Variants in MAP3K15 observed in about 807,000 individuals in gnomAD.
MAP3K15 encodes the protein MAPK/ERK kinase kinase 15.
In MAP3K15, 124 loss-of-function variants were observed where a neutral mutation model predicts 99.5. The observed-to-expected ratio is 1.25, with a 90% CI of 1.08 to 1.45. The LOEUF is 1.45. Ranked by LOEUF, MAP3K15 falls within the 40% of genes most tolerant of loss-of-function variation. The pLI is 0.00. For synonymous variants in MAP3K15, 494 were observed against 439.6 expected (o/e 1.12, Z -1.55); for missense variants, 1,242 against 1,079.7 (o/e 1.15, Z -2.11).
intron 3 of MAP3K15, among the ~76,000 whole-genome samples, chrX:19,467,860 A>G (rs1324331065): frequency 1.8e-5 from 2 of 110,866 alleles, no homozygotes; most frequent in African/African-American, 6.5e-5. Flanking sequence ...AACAAACAAA[A>G]AACAGGCCAA....
chrX:19,412,351 G>A (rs1602283837), intron 11 of MAP3K15, among the ~76,000 whole-genome samples: 2 of 112,534 alleles, frequency 1.8e-5, no homozygotes, highest in East Asian at 5.6e-4. Context: ...TACAAGTCAT[G>A]TATGGGCATT....
chrX:19,480,339 A>G (rs2064279631), intron 3 of MAP3K15, among the ~76,000 whole-genome samples: 1 of 111,140 alleles, frequency 9.0e-6, no homozygotes, highest in Admixed American at 9.6e-5. Flanking sequence ...ACAATGTTGA[A>G]AAAGAACAAA....
At chrX:19,449,475 T>C (rs1245974378) in intron 6 of MAP3K15, among the ~76,000 whole-genome samples, 2 of 109,523 alleles carry the variant, frequency 1.8e-5, no homozygotes, top group Non-Finnish European at 3.9e-5. Context: ...TTGTCCCCTA[T>C]GGGACATTTA....
intron 1 of MAP3K15, among the ~76,000 whole-genome samples, chrX:19,495,638 G>A (rs1210339782): frequency 5.4e-5 from 6 of 111,275 alleles, no homozygotes; most frequent in Non-Finnish European, 1.1e-4. Flanking sequence ...TGCCAACTAC[G>A]TTTTACTCAC....
intron 1 of MAP3K15, among the ~76,000 whole-genome samples, chrX:19,494,877 T>TAAAAAA: frequency 1.2e-5 from 1 of 82,971 alleles, no homozygotes; most frequent in African/African-American, 4.8e-5. Flanking sequence ...AAAGCTACCT[T>TAAAAAA]TAAAAAAAAA....
rs1052176149 is a variant in MAP3K15 at position 19,456,890 on chromosome X, T to C, written c.995+23A>G. ...TCAATGGGTGGCATGTTTCAAAACC[T>C]GTACGTACATTATCGTTCTTACCTA... On this transcript the variant is annotated intron_variant, in intron 6 of 28. Transcript: ENST00000338883. 3.7e-6 allele frequency: 4 copies of C among 1,084,614 alleles called. No homozygotes were observed. The African/African-American group carries it at 7.3e-5, about 20-fold the overall frequency. 89.4% of individuals were successfully genotyped at this position (1,084,614 alleles called of 1,213,427 possible).
Position 19,361,404 on chromosome X carries a change from C to T in MAP3K15, c.3792G>A (p.Glu1264=), listed in dbSNP as rs1410645400. ...DAKTIEKIVE[E]GYTLSDILNE... ...TAAGAATATCCGAAAGTGTATAACC[C>T]TCTTCAACAATCTGAAACAAAGATC... Residue 1264 remains glutamate, a synonymous_variant, in exon 28 of 29, where the codon GAG becomes GAA. Coordinates refer to ENST00000338883, the MANE Select transcript of MAP3K15 (RefSeq NM_001001671.4). 3.3e-6 allele frequency: 4 copies of T among 1,206,204 alleles called. No individual in the cohort carries two copies. In the East Asian group the frequency reaches 8.9e-5, roughly 27 times the overall value.
In MAP3K15 at chrX:19,373,579, C is replaced by T. The variant is rs1440024794; in HGVS notation, c.2890G>A (p.Glu964Lys). The part of the protein sequence containing the change: ...DSDAQPDALF[E>K]RTRAPRHHLG... ...TGGTGCCTGGGCGCCCGGGTCCTCT[C>T]AAAGAGTGCGTCAGGCTGGGCGTCG... is the stretch of plus-strand genomic sequence containing the variant. The change falls in exon 21 of 29, where the codon GAG (glutamate) becomes AAG (lysine). Residue 964 changes from glutamate to lysine, a missense_variant. Transcript: ENST00000338883. 8.5e-7 allele frequency: 1 copy of T among 1,178,995 alleles called. No individual in the cohort carries two copies. The highest frequency in any genetic ancestry group is 3.1e-5 in the East Asian group (1 of 32,202).
At chrX:19,366,406 T>C (rs1468207778) in intron 25 of MAP3K15, among the ~76,000 whole-genome samples, 4 of 111,838 alleles carry the variant, frequency 3.6e-5, no homozygotes, top group Non-Finnish European at 7.5e-5. Context: ...AGGCACTTCA[T>C]ACTACAGTGA....
intron 19 of MAP3K15, among the ~76,000 whole-genome samples, chrX:19,377,755 C>T (rs919236024): frequency 9.9e-5 from 11 of 111,641 alleles, no homozygotes; most frequent in African/African-American, 2.9e-4. Context: ...TTTATTCCAA[C>T]GCTGCCATGG....
intron 16 of MAP3K15, among the ~76,000 whole-genome samples, chrX:19,393,747 C>T (rs1261336361): frequency 9.5e-6 from 1 of 105,384 alleles, no homozygotes; most frequent in African/African-American, 3.5e-5. Context: ...AAAATCTAGC[C>T]CACTGCCTGG....
At chrX:19,425,921 C>T (rs990972777) in intron 8 of MAP3K15, among the ~76,000 whole-genome samples, 9 of 110,979 alleles carry the variant, frequency 8.1e-5, no homozygotes, top group African/African-American at 2.6e-4. Flanking sequence ...GAGTTCGAGA[C>T]CAGCCTGTCC....
At chrX:19,467,832 A>T (rs1384726408) in intron 3 of MAP3K15, among the ~76,000 whole-genome samples, 6 of 110,558 alleles carry the variant, frequency 5.4e-5, no homozygotes, top group Non-Finnish European at 1.1e-4. Context: ...CCGTCTCAAA[A>T]CAAAACAAAA....
rs753243729 is a variant in MAP3K15, at chrX:19,361,548, T to C, written c.3725A>G (p.Lys1242Arg). Residue 1242 changes from lysine (K) to arginine (R), a missense_variant, in exon 27 of 29, where the codon AAA becomes AGA. Transcript: ENST00000338883. ...PAGPYGQRTD[K>R]ELIDWLRLQG... The stretch of plus-strand genomic sequence containing the variant: ...CAGCCGCAACCAGTCTATAAGCTCT[T>C]TATCTGTTCTCTGCCCGTAGGGGCC... 5.8e-6 allele frequency: 7 copies of C among 1,210,320 alleles called. No individual in the cohort carries two copies. The South Asian group carries it at 1.2e-4, about 21-fold the overall frequency.
chrX:19,368,205 C>T (rs770078889), intron 25 of MAP3K15, among the ~76,000 whole-genome samples: 1 of 111,656 alleles, frequency 9.0e-6, no homozygotes, highest in Non-Finnish European at 1.9e-5. Flanking sequence ...TGCAATGGCA[C>T]GATCTCAGCT....
intron 16 of MAP3K15, among the ~76,000 whole-genome samples, chrX:19,393,517 G>A (rs1406777647): frequency 2.7e-5 from 3 of 110,309 alleles, no homozygotes; most frequent in Non-Finnish European, 5.7e-5. Context: ...TGTAATCCTA[G>A]CTACTTGAGA....
intron 7 of MAP3K15, among the ~76,000 whole-genome samples, chrX:19,430,185 T>C (rs1055709792): frequency 3.6e-5 from 4 of 112,184 alleles, no homozygotes; most frequent in African/African-American, 1.3e-4. Context: ...CTTTGACCAA[T>C]AGCATGTGGC....
In MAP3K15 at chrX:19,515,407, C is replaced by G. The variant is rs1329199499; in HGVS notation, c.-146G>C. Reference sequence around the variant, plus strand: ...CGGGAATCGAGGGAACGGAGCGCACCGGGGACCCCGCGGCGGGCCGAAGAC... The same window carrying G: ...CGGGAATCGAGGGAACGGAGCGCACGGGGGACCCCGCGGCGGGCCGAAGAC... On this transcript the variant is annotated 5_prime_UTR_variant, in exon 1 of 29. Transcript: ENST00000338883. The G allele has an allele frequency of 7.0e-6, 2 of 285,846 alleles. No homozygotes were observed. Among genetic ancestry groups the G allele is most frequent in the Non-Finnish European group, 1.0e-5 (2 of 200,003 alleles). 23.6% of individuals were successfully genotyped at this position (285,846 alleles called of 1,213,427 possible). A position where few individuals can be genotyped will look rare whatever the true frequency, so the allele number is the denominator to read the frequency against.
At chrX:19,406,584 G>A (rs375987936) in intron 13 of MAP3K15, among the ~76,000 whole-genome samples, 4 of 112,719 alleles carry the variant, frequency 3.5e-5, no homozygotes, top group East Asian at 5.5e-4. Context: ...GCGAGGTTGA[G>A]GGAATGAGGA....
Sources: gnomAD v4.1 joint callset for allele counts (sites outside exome capture counted in the v4.1 genomes callset) on GRCh38, gnomAD v4.1.1 for gene constraint, MANE v1.5 for transcripts, NCBI Gene and HGNC (gene_info 2026-07-23, HGNC 2026-07-21) for gene names.